DIP2C: variants seen among roughly 807,000 people sequenced by gnomAD.
The protein encoded by DIP2C is DIP2 acetate--CoA ligase C (putative).
DIP2C carries 33 observed loss-of-function variants against 192.4 expected under a neutral mutation model. The ratio of observed to expected loss-of-function variants is 0.17; its 90% CI spans 0.13 to 0.23. The LOEUF is 0.23. DIP2C is among the 10% of genes least tolerant of loss of function. The pLI, the probability that DIP2C is intolerant of heterozygous loss-of-function variation, is 1.00. For synonymous variants in DIP2C, 979 were observed against 864.1 expected (o/e 1.13, Z -2.33); for missense variants, 1,537 against 2,110.1 (o/e 0.73, Z 5.32).
intron 3 of DIP2C, among the ~76,000 whole-genome samples, chr10:446,055 C>T (rs1483914724): frequency 6.6e-6 from 1 of 151,582 alleles, no homozygotes; most frequent in African/African-American, 2.4e-5. Context: ...TGTGAAGAGT[C>T]TCACAGGCCC....
chr10:349,105 T>C (rs1343422932), intron 25 of DIP2C, among the ~76,000 whole-genome samples: 2 of 152,244 alleles, frequency 1.3e-5, no homozygotes, highest in Non-Finnish European at 2.9e-5. Context: ...TAAAAGTCAT[T>C]GAAAGCATCA....
chr10:379,395 G>C (rs1176903628), intron 17 of DIP2C, among the ~76,000 whole-genome samples: 2 of 152,142 alleles, frequency 1.3e-5, no homozygotes, highest in Non-Finnish European at 2.9e-5. Context: ...TGTTTTGCAT[G>C]ACAGACATTC....
chr10:506,242 C>T (rs1189154909), intron 1 of DIP2C, among the ~76,000 whole-genome samples: 1 of 152,190 alleles, frequency 6.6e-6, no homozygotes, highest in Non-Finnish European at 1.5e-5. Flanking sequence ...CCATTTTCTC[C>T]TGCTTGCAGG....
chr10:517,079 C>T (rs896654716), intron 1 of DIP2C, among the ~76,000 whole-genome samples: 12 of 151,974 alleles, frequency 7.9e-5, no homozygotes, highest in African/African-American at 2.7e-4. Flanking sequence ...CACAGTCAAA[C>T]GTTGACAGAC....
At position 369,377 on chromosome 10, in the gene DIP2C, C is replaced by G. The variant is rs534677298; in HGVS notation, c.2131+117G>C. ...ACTTCAGAAGACTGGGAGTGAGGCT[C>G]TCAGCCTGAGGGCACACCACGGGAA... On this transcript the variant is annotated intron_variant, in intron 18 of 36. Transcript: ENST00000280886. 10 of 1,328,438 alleles carry G rather than the reference C, an allele frequency of 7.5e-6. No homozygotes were observed. The East Asian group carries it at 1.3e-4, about 17-fold the overall frequency. 82.3% of individuals were successfully genotyped at this position (1,328,438 alleles called of 1,614,324 possible).
At chr10:390,142 G>A (rs1963341481) in intron 12 of DIP2C, 49 bp from the exon 13 acceptor site, 1 of 1,594,780 alleles carries the variant, frequency 6.3e-7, no homozygotes, top group Non-Finnish European at 8.6e-7. Flanking sequence ...GGTCACGGCA[G>A]TTTTTCTGGT....
intron 3 of DIP2C, among the ~76,000 whole-genome samples, chr10:464,817 C>G (rs886642382): frequency 3.3e-5 from 5 of 152,134 alleles, no homozygotes; most frequent in Non-Finnish European, 2.9e-5. Context: ...GACACATACT[C>G]TCTCCCAAGA....
At chr10:331,422 C>T (rs527766046) in intron 29 of DIP2C, among the ~76,000 whole-genome samples, 29 of 152,270 alleles carry the variant, frequency 1.9e-4, no homozygotes, top group African/African-American at 6.5e-4. Context: ...TTCAAAAGGA[C>T]ACATAGCCCT....
chr10:594,175 T>C (rs1377265738), intron 1 of DIP2C, among the ~76,000 whole-genome samples: 2 of 152,200 alleles, frequency 1.3e-5, no homozygotes, highest in Admixed American at 6.5e-5. Context: ...CGGCCAGACA[T>C]GGACCCAGGG....
intron 2 of DIP2C, among the ~76,000 whole-genome samples, chr10:474,440 C>T (rs899041438): frequency 6.6e-6 from 1 of 152,192 alleles, no homozygotes; most frequent in Non-Finnish European, 1.5e-5. Context: ...ACCTTCCTGC[C>T]CACGATCAAA....
intron 22 of DIP2C, among the ~76,000 whole-genome samples, chr10:360,648 T>C (rs1002786140): frequency 2.0e-5 from 3 of 152,180 alleles, no homozygotes; most frequent in Admixed American, 6.5e-5. Flanking sequence ...GGGGCAATAT[T>C]CCCAGGGACC....
intron 3 of DIP2C, among the ~76,000 whole-genome samples, chr10:445,771 G>A (rs925063119): frequency 6.6e-6 from 1 of 151,932 alleles, no homozygotes; most frequent in African/African-American, 2.4e-5. Flanking sequence ...CAGGACCACT[G>A]GGCATCTCTA....
chr10:447,840 C>A (rs1301160700), intron 3 of DIP2C, among the ~76,000 whole-genome samples: 2 of 122,834 alleles, frequency 1.6e-5, no homozygotes, highest in Non-Finnish European at 3.1e-5. Context: ...CAGGATCACA[C>A]ACAGTGCGGC....
Position 283,326 on chromosome 10 carries a change from G to C in DIP2C, c.4240C>G (p.Arg1414Gly). The C allele has an allele frequency of 6.2e-7, 1 of 1,614,110 alleles. No individual in the cohort carries two copies. The change falls in exon 35 of 37, where the codon CGC (arginine) becomes GGC (glycine). Residue 1414 changes from arginine to glycine, a missense_variant. Coordinates refer to ENST00000280886, the MANE Select transcript of DIP2C (RefSeq NM_014974.3). ...SFGDTQTIWARTGYLGFLRRT... is the reference protein window; with the variant it reads ...SFGDTQTIWAGTGYLGFLRRT... ...CGCAGGAACCCCAAGTAGCCTGTGC[G>C]TGCCCAGATGGTCTGGGTGTCTCCA...
intron 3 of DIP2C, among the ~76,000 whole-genome samples, chr10:455,439 A>C (rs113276757): frequency 1.2e-5 from 1 of 80,116 alleles, no homozygotes; most frequent in Admixed American, 1.2e-4. Context: ...CTGAGGGGAG[A>C]CCGTGAGGAG....
intron 9 of DIP2C, among the ~76,000 whole-genome samples, chr10:404,955 ATGTT>A (rs1964697920): frequency 1.3e-5 from 2 of 152,224 alleles, no homozygotes; most frequent in African/African-American, 2.4e-5. Flanking sequence ...ATTCAGTTAA[ATGTT>A]TGTAAGATTT....
At chr10:537,229 C>A (rs1192588506) in intron 1 of DIP2C, among the ~76,000 whole-genome samples, 1 of 152,002 alleles carries the variant, frequency 6.6e-6, no homozygotes, top group Non-Finnish European at 1.5e-5. Flanking sequence ...AGAGGCAAGG[C>A]CGTATGAAGG....
chr10:349,961 A>G (rs1958711541), intron 24 of DIP2C, among the ~76,000 whole-genome samples: 1 of 152,226 alleles, frequency 6.6e-6, no homozygotes, highest in Non-Finnish European at 1.5e-5. Flanking sequence ...GAACTATCAA[A>G]CGCATTTTCA....
intron 1 of DIP2C, among the ~76,000 whole-genome samples, chr10:653,571 C>T (rs1310553980): frequency 6.6e-6 from 1 of 152,244 alleles, no homozygotes; most frequent in Non-Finnish European, 1.5e-5. Flanking sequence ...ATGAGCTACG[C>T]TGCAAGTCTC....
Sources: allele counts gnomAD v4.1 joint callset (sites outside exome capture counted in the v4.1 genomes callset), GRCh38; gene constraint gnomAD v4.1.1; transcripts MANE v1.5; gene names NCBI Gene and HGNC (gene_info 2026-07-23, HGNC 2026-07-21).